The following ACER3 variants were observed in gnomAD, a reference collection of about 807,000 sequenced individuals.
ACER3 encodes the protein alkaline ceramidase 3.
A neutral mutation model predicts 48.9 loss-of-function variants in ACER3; 16 were observed. The observed-to-expected ratio is 0.33, with a 90% CI of 0.22 to 0.50. The LOEUF is 0.50. Ranked by LOEUF, ACER3 falls within the 20% of genes least tolerant of loss-of-function variation. ACER3 has a pLI of 0.98. For synonymous variants in ACER3, 109 were observed against 107.8 expected (o/e 1.01, Z -0.07); for missense variants, 227 against 326.0 (o/e 0.70, Z 2.34).
intron 1 of ACER3, chr11:76,868,070 T>C (rs1034002869): frequency 2.3e-6 from 3 of 1,279,956 alleles, no homozygotes; most frequent in Non-Finnish European, 3.1e-6. Context: ...TGAAAGGCAT[T>C]TGACTGCTTG....
chr11:76,947,235 G>A (rs1308452379), intron 2 of ACER3, among the ~76,000 whole-genome samples: 5 of 152,104 alleles, frequency 3.3e-5, no homozygotes, highest in African/African-American at 1.2e-4. Context: ...ATGAAAATAT[G>A]AACAACACAC....
intron 7 of ACER3, among the ~76,000 whole-genome samples, chr11:77,009,907 GA>G (rs1476932588): frequency 1.3e-5 from 2 of 152,084 alleles, no homozygotes; most frequent in African/African-American, 4.8e-5. Flanking sequence ...CCACAAAACA[GA>G]AGGCAAAGTT....
intron 1 of ACER3, among the ~76,000 whole-genome samples, chr11:76,877,188 G>T (rs1170290216): frequency 6.6e-6 from 1 of 152,122 alleles, no homozygotes; most frequent in Non-Finnish European, 1.5e-5. Context: ...AAGCAAGTAA[G>T]TACCTCAGGG....
intron 4 of ACER3, among the ~76,000 whole-genome samples, chr11:76,985,119 A>G (rs6592690): frequency 0.71 from 108,096 of 152,046 alleles, 38,824 homozygotes; most frequent in Non-Finnish European, 0.77. Flanking sequence ...CCTTGAGTCC[A>G]TATGACTTTG....
chr11:76,929,541 G>C (rs916223583), intron 2 of ACER3, among the ~76,000 whole-genome samples: 39 of 152,298 alleles, frequency 2.6e-4, no homozygotes, highest in Admixed American at 4.6e-4. Context: ...TCTTGTGCCA[G>C]TTTTCAAAGA....
intron 1 of ACER3, among the ~76,000 whole-genome samples, chr11:76,870,512 C>T (rs542330957): frequency 1.1e-3 from 170 of 152,246 alleles, no homozygotes; most frequent in Middle Eastern, 3.4e-3. Context: ...CTCCTGTGAA[C>T]ATGGGTGTAC....
chr11:76,980,724 A>G (rs1948565845), intron 4 of ACER3, among the ~76,000 whole-genome samples: 1 of 152,210 alleles, frequency 6.6e-6, no homozygotes, highest in African/African-American at 2.4e-5. Flanking sequence ...AGGGAACAGC[A>G]GATATTACTT....
intron 2 of ACER3, among the ~76,000 whole-genome samples, chr11:76,942,332 A>G (rs887901744): frequency 2.0e-5 from 3 of 151,876 alleles, no homozygotes; most frequent in Non-Finnish European, 4.4e-5. Flanking sequence ...TTATGTTGAT[A>G]TATGTTCCTT....
chr11:76,879,223 A>G (rs1357988279), intron 1 of ACER3, among the ~76,000 whole-genome samples: 5 of 152,048 alleles, frequency 3.3e-5, no homozygotes, highest in African/African-American at 9.7e-5. Flanking sequence ...GTCTATTACC[A>G]TATTTTCTTC....
intron 2 of ACER3, among the ~76,000 whole-genome samples, chr11:76,948,211 CTG>C (rs57302394): frequency 0.27 from 36,519 of 135,336 alleles, 4,588 homozygotes; most frequent in Non-Finnish European, 0.34. Context: ...CTGGCTCACT[CTG>C]TGTGTGTGTG....
chr11:76,982,708 A>G (rs1239153167), intron 4 of ACER3, among the ~76,000 whole-genome samples: 1 of 152,156 alleles, frequency 6.6e-6, no homozygotes, highest in Non-Finnish European at 1.5e-5. Flanking sequence ...ATGTTCATGA[A>G]TAGTGTTTTT....
At chr11:76,967,170 C>G (rs1453644009) in intron 3 of ACER3, among the ~76,000 whole-genome samples, 2 of 152,124 alleles carry the variant, frequency 1.3e-5, no homozygotes, top group Admixed American at 1.3e-4. Flanking sequence ...TCAGAGAATA[C>G]TATAAACACC....
intron 7 of ACER3, among the ~76,000 whole-genome samples, chr11:77,007,803 C>T (rs2135297864): frequency 6.6e-6 from 1 of 152,314 alleles, no homozygotes; most frequent in South Asian, 2.1e-4. Context: ...GAAGCACCTT[C>T]TAATACCCTG....
At position 77,022,977 on chromosome 11, in the gene ACER3, T is replaced by G; in HGVS notation, c.*2650T>G. 2.5e-6 allele frequency: 1 copy of G among 395,722 alleles called. No individual in the cohort carries two copies. Among genetic ancestry groups the G allele is most frequent in the Non-Finnish European group, 4.5e-6 (1 of 224,624 alleles). The allele number at this position is 395,722 out of a possible 1,614,324, so 24.5% of individuals were successfully genotyped here. On this transcript the variant is annotated 3_prime_UTR_variant, in exon 11 of 11. Transcript: ENST00000532485. Reference sequence around the variant, plus strand: ...CTTCTTGTGCCTCCATTTTCACTCTTGAAAACTGAAAGCAATTTGACTTTT... The same window carrying G: ...CTTCTTGTGCCTCCATTTTCACTCTGGAAAACTGAAAGCAATTTGACTTTT...
chr11:76,920,568 A>G (rs1946659070), intron 1 of ACER3, among the ~76,000 whole-genome samples: 1 of 147,412 alleles, frequency 6.8e-6, no homozygotes, highest in African/African-American at 2.5e-5. Context: ...GTCTCTCCTT[A>G]CTCTTATAAG....
intron 1 of ACER3, among the ~76,000 whole-genome samples, chr11:76,886,487 A>G (rs997041718): frequency 2.0e-5 from 3 of 152,156 alleles, no homozygotes; most frequent in Admixed American, 1.3e-4. Flanking sequence ...CACTTAGGAG[A>G]TACGTTAGCA....
chr11:76,932,677 C>G (rs575225945), intron 2 of ACER3, among the ~76,000 whole-genome samples: 5 of 152,134 alleles, frequency 3.3e-5, no homozygotes, highest in Non-Finnish European at 7.4e-5. Context: ...ATAAGGAAAA[C>G]AAATAGAACT....
intron 2 of ACER3, among the ~76,000 whole-genome samples, chr11:76,949,169 G>A (rs971101401): frequency 1.3e-5 from 2 of 152,186 alleles, no homozygotes; most frequent in Non-Finnish European, 2.9e-5. Flanking sequence ...TTCCAACTGA[G>A]TGAAATTCTA....
intron 1 of ACER3, among the ~76,000 whole-genome samples, chr11:76,890,419 G>A (rs1316179198): frequency 6.6e-6 from 1 of 152,096 alleles, no homozygotes; most frequent in African/African-American, 2.4e-5. Context: ...GAATTGCTTG[G>A]CATATTCTGC....
Sources: allele counts gnomAD v4.1 joint callset (sites outside exome capture counted in the v4.1 genomes callset), GRCh38; gene constraint gnomAD v4.1.1; transcripts MANE v1.5; gene names NCBI Gene and HGNC (gene_info 2026-07-23, HGNC 2026-07-21).